Variants in CAMK2A observed in about 807,000 individuals in gnomAD.
The protein encoded by CAMK2A is calcium/calmodulin-dependent protein kinase type II subunit alpha.
A neutral mutation model predicts 79.2 loss-of-function variants in CAMK2A; 7 were observed. The ratio of observed to expected loss-of-function variants is 0.09; its 90% CI spans 0.05 to 0.17. The LOEUF is 0.17. CAMK2A is among the 10% of genes least tolerant of loss of function. CAMK2A has a pLI of 1.00. For synonymous variants in CAMK2A, 242 were observed against 251.7 expected (o/e 0.96, Z 0.36); for missense variants, 214 against 646.4 (o/e 0.33, Z 7.25).
chr5:150,255,238 C>T (rs1222309484), intron 6 of CAMK2A, among the ~76,000 whole-genome samples: 3 of 152,222 alleles, frequency 2.0e-5, no homozygotes, highest in Non-Finnish European at 2.9e-5. Flanking sequence ...AGGTGCCCTG[C>T]AGTCTGGCTG....
At chr5:150,265,117 C>A in intron 2 of CAMK2A, 102 bp from the exon 3 acceptor site, 1 of 874,458 alleles carries the variant, frequency 1.1e-6, no homozygotes, top group Non-Finnish European at 1.9e-6. Context: ...CCCAGGGCAG[C>A]CCCTGGGGGC....
At chr5:150,237,104 G>C (rs1049251612) in intron 15 of CAMK2A, among the ~76,000 whole-genome samples, 2 of 152,104 alleles carry the variant, frequency 1.3e-5, no homozygotes, top group Non-Finnish European at 2.9e-5. Context: ...TGGTGATAGA[G>C]TACCCACCAC....
rs2163766 is a variant in CAMK2A, at chr5:150,219,985, A to G, written c.*2725T>C. On this transcript the variant is annotated 3_prime_UTR_variant, in exon 19 of 19. Transcript: ENST00000671881. ...TTTCTGTGAGTCTCCCCTGCCTGCC[A>G]CATCAGGATCATCCCTGGTGCCCTG... 138,137 of 152,708 alleles carry G rather than the reference A, an allele frequency of 0.9. 62,578 individuals carry two copies. The highest frequency in any genetic ancestry group is 1 in the East Asian group (5,249 of 5,256). The allele number at this position is 152,708 out of a possible 1,614,324, so 9.5% of individuals were successfully genotyped here.
intron 2 of CAMK2A, chr5:150,265,319 CTA>C (rs1019220821): frequency 3.1e-6 from 1 of 324,258 alleles, no homozygotes; most frequent in Non-Finnish European, 5.9e-6. Context: ...GCCCTATACT[CTA>C]GCCAGACTAA....
intron 15 of CAMK2A, 63 bp from the exon 16 acceptor site, chr5:150,231,443 T>TAAG: frequency 1.5e-6 from 1 of 663,462 alleles, no homozygotes; most frequent in Non-Finnish European, 2.2e-6. Context: ...ATAATAATAA[T>TAAG]AGTGATGGTA....
At chr5:150,227,429 C>G (rs1056213146) in intron 17 of CAMK2A, among the ~76,000 whole-genome samples, 2 of 152,162 alleles carry the variant, frequency 1.3e-5, no homozygotes, top group Admixed American at 1.3e-4. Flanking sequence ...CTCAGTGGTA[C>G]ACGCCCTTGA....
At chr5:150,236,501 C>T (rs112897322) in intron 15 of CAMK2A, among the ~76,000 whole-genome samples, 1 of 152,322 alleles carries the variant, frequency 6.6e-6, no homozygotes, top group African/African-American at 2.4e-5. Context: ...ATTTTCATTA[C>T]CTCTTTACTG....
rs1483111964 is a variant in CAMK2A at position 150,250,537 on chromosome 5, C to T, written c.816+151G>A. 3.5e-6 allele frequency: 4 copies of T among 1,139,366 alleles called. No homozygotes were observed. In the South Asian group the frequency reaches 4.5e-5, roughly 13 times the overall value. The allele number at this position is 1,139,366 out of a possible 1,614,324, so 70.6% of individuals were successfully genotyped here. On this transcript the variant is annotated intron_variant, in intron 10 of 18. Transcript: ENST00000671881. ...AACCCAGAACACTCACTCCTCGTTT[C>T]CACATTACCCCTGAGAACCACAGCA...
At chr5:150,272,719 G>A (rs1756800938) in intron 2 of CAMK2A, among the ~76,000 whole-genome samples, 1 of 151,936 alleles carries the variant, frequency 6.6e-6, no homozygotes, top group African/African-American at 2.4e-5. Context: ...GCCAGGAGAT[G>A]GCGTTCAGGC....
In CAMK2A at chr5:150,238,751, G is replaced by A. The variant is rs111673898; in HGVS notation, c.1018-3C>T. ...GTGTTGGTGCTCTCTGAGGATTCCT[G>A]CCAAAGAGAATACAGGAGATGGTGA... On this transcript the variant is annotated splice_region_variant and splice_polypyrimidine_tract_variant and intron_variant, in intron 14 of 18. Coordinates refer to ENST00000671881, the MANE Select transcript of CAMK2A (RefSeq NM_015981.4). 2 of 1,603,524 alleles carry A rather than the reference G, an allele frequency of 1.2e-6. No homozygotes were observed. Among genetic ancestry groups the A allele is most frequent in the African/African-American group, 1.3e-5 (1 of 74,710 alleles).
At chr5:150,253,328 G>A (rs1283036526) in intron 7 of CAMK2A, 116 bp downstream of exon 7, 54 of 787,430 alleles carry the variant, frequency 6.9e-5, no homozygotes, top group Non-Finnish European at 9.8e-5. Flanking sequence ...TACCAGCCCC[G>A]GCTGGCCCAA....
At chr5:150,272,586 A>AAG (rs1554123921) in intron 2 of CAMK2A, among the ~76,000 whole-genome samples, 62 of 150,500 alleles carry the variant, frequency 4.1e-4, no homozygotes, top group Admixed American at 4.6e-4. Context: ...AAAAAAAAAA[A>AAG]AGAGAGAGAG....
intron 7 of CAMK2A, among the ~76,000 whole-genome samples, chr5:150,252,466 G>C (rs1033245364): frequency 2.0e-5 from 3 of 152,228 alleles, no homozygotes; most frequent in African/African-American, 7.2e-5. Context: ...CCCAGGCTGA[G>C]AGCTAAGCCC....
intron 13 of CAMK2A, among the ~76,000 whole-genome samples, chr5:150,241,942 G>A (rs1755362940): frequency 6.6e-6 from 1 of 152,152 alleles, no homozygotes; most frequent in South Asian, 2.1e-4. Context: ...AGAAACCCGA[G>A]GAGCCGCGCA....
At chr5:150,287,536 C>A (rs1757474816) in intron 1 of CAMK2A, among the ~76,000 whole-genome samples, 1 of 152,138 alleles carries the variant, frequency 6.6e-6, no homozygotes, top group Non-Finnish European at 1.5e-5. Context: ...CCAAGTTGCC[C>A]CCACAAAACC....
At position 150,248,472 on chromosome 5, in the gene CAMK2A, C is replaced by T. The variant is rs1324384210; in HGVS notation, c.901-658G>A. 2.4e-4 allele frequency among the ~76,000 whole-genome samples: 34 copies of T among 144,430 alleles called. No individual in the cohort carries two copies. The South Asian group carries it at 3.4e-3, about 15-fold the overall frequency. 94.8% of individuals were successfully genotyped at this position (144,430 alleles called of 152,430 possible). ...TTTACATTAGGTATATCTCCTAATGCTATCCCTCCCCCCTCCCCCCACCCC... is the reference window on the plus strand; with the variant it reads ...TTTACATTAGGTATATCTCCTAATGTTATCCCTCCCCCCTCCCCCCACCCC... On this transcript the variant is annotated intron_variant, in intron 11 of 18. Coordinates refer to ENST00000671881, the MANE Select transcript of CAMK2A (RefSeq NM_015981.4).
intron 1 of CAMK2A, among the ~76,000 whole-genome samples, chr5:150,274,909 G>A (rs1371184322): frequency 6.6e-6 from 1 of 152,208 alleles, no homozygotes; most frequent in African/African-American, 2.4e-5. Context: ...CCAAGCTTAT[G>A]GGCAGCTCCG....
intron 11 of CAMK2A, among the ~76,000 whole-genome samples, chr5:150,248,247 G>A (rs1042455667): frequency 4.0e-5 from 6 of 151,134 alleles, no homozygotes; most frequent in Non-Finnish European, 7.4e-5. Flanking sequence ...TCCAGGACTA[G>A]CTCATCCCTC....
intron 2 of CAMK2A, among the ~76,000 whole-genome samples, chr5:150,271,591 C>T (rs1756751853): frequency 6.6e-6 from 1 of 152,234 alleles, no homozygotes; most frequent in Admixed American, 6.5e-5. Flanking sequence ...ACAACATCTC[C>T]CGCACTGCAC....
Sources: gnomAD v4.1 joint callset for allele counts (sites outside exome capture counted in the v4.1 genomes callset) on GRCh38, gnomAD v4.1.1 for gene constraint, MANE v1.5 for transcripts, NCBI Gene and HGNC (gene_info 2026-07-23, HGNC 2026-07-21) for gene names.